The following ENTPD3 variants were observed in gnomAD, a reference collection of about 807,000 sequenced individuals.
ENTPD3 encodes the protein ectonucleoside triphosphate diphosphohydrolase 3.
ENTPD3 carries 60 observed loss-of-function variants against 51.2 expected under a neutral mutation model. That is an observed-to-expected ratio of 1.17 (90% CI 0.95 to 1.45). The LOEUF is 1.45. ENTPD3 is among the 40% of genes most tolerant of loss of function. ENTPD3 has a pLI of 0.00. For synonymous variants in ENTPD3, 221 were observed against 238.4 expected, an observed-to-expected ratio of 0.93 and a Z score of 0.67; for missense variants, 593 against 641.1, an observed-to-expected ratio of 0.93 and a Z score of 0.81.
chr3:40,404,359 C>T (rs1286197434), intron 4 of ENTPD3, among the ~76,000 whole-genome samples: 3 of 152,214 alleles, frequency 2.0e-5, no homozygotes, highest in African/African-American at 7.2e-5. Flanking sequence ...ATTCATGGGG[C>T]ACCACAATCA....
At position 40,422,849 on chromosome 3, in the gene ENTPD3, G is replaced by A; in HGVS notation, c.832-1G>A. 1 of 1,609,748 alleles carries A rather than the reference G, an allele frequency of 6.2e-7. No homozygotes were observed. The highest frequency in any genetic ancestry group is 8.5e-7 in the Non-Finnish European group (1 of 1,179,346). On this transcript the variant is annotated splice_acceptor_variant, in intron 7 of 10. Transcript: ENST00000301825. LOFTEE classifies it high-confidence loss of function. ...CTAACACCTTACTCTTATACCTACA[G>A]AATTCTCCTACCAAAAACCATCTCA...
At chr3:40,414,545 C>A in intron 5 of ENTPD3, 136 bp from the exon 6 acceptor site, 1 of 942,858 alleles carries the variant, frequency 1.1e-6, no homozygotes, top group South Asian at 1.7e-5. Flanking sequence ...TTGTGGTGTA[C>A]AGCACACATC....
intron 7 of ENTPD3, among the ~76,000 whole-genome samples, chr3:40,416,332 T>C (rs1955747998): frequency 6.6e-6 from 1 of 152,206 alleles, no homozygotes; most frequent in South Asian, 2.1e-4. Flanking sequence ...TTCAGTTGTT[T>C]TGTAAATGAC....
chr3:40,392,556 G>A (rs1955084362), intron 3 of ENTPD3: 1 of 157,520 alleles, frequency 6.3e-6, no homozygotes, highest in Non-Finnish European at 1.4e-5. Flanking sequence ...TGGGCAACAT[G>A]GTGAAACCCA....
intron 7 of ENTPD3, among the ~76,000 whole-genome samples, chr3:40,418,137 G>A (rs1240212684): frequency 6.6e-6 from 1 of 152,156 alleles, no homozygotes; most frequent in Non-Finnish European, 1.5e-5. Flanking sequence ...GGAGAAGTGA[G>A]CACCCAGCCT....
chr3:40,402,694 T>C (rs1165268276), intron 4 of ENTPD3, among the ~76,000 whole-genome samples: 1 of 152,218 alleles, frequency 6.6e-6, no homozygotes, highest in Non-Finnish European at 1.5e-5. Context: ...CGATGTGTCT[T>C]GATGAAAAGA....
Position 40,416,603 on chromosome 3 carries a change from A to G in ENTPD3, c.831+530A>G, listed in dbSNP as rs144187421. 3.0e-3 allele frequency among the ~76,000 whole-genome samples: 455 copies of G among 152,296 alleles called. 1 individual carries two copies. Among genetic ancestry groups the G allele is most frequent in the Middle Eastern group, 0.01 (3 of 294 alleles). Reference sequence around the variant, plus strand: ...ATCATGTTGATCAGTAATTCATTTGATAAGTGTTCCAGGGCCCAGAAGGCT... The same window carrying G: ...ATCATGTTGATCAGTAATTCATTTGGTAAGTGTTCCAGGGCCCAGAAGGCT... On this transcript the variant is annotated intron_variant, in intron 7 of 10. Coordinates refer to ENST00000301825, the MANE Select transcript of ENTPD3 (RefSeq NM_001248.4).
chr3:40,411,776 G>A (rs1374258304), intron 4 of ENTPD3, 36 bp from the exon 5 acceptor site: 1 of 1,544,790 alleles, frequency 6.5e-7, no homozygotes, highest in Non-Finnish European at 8.7e-7. Flanking sequence ...ATTGGTTCCT[G>A]GAAATGCTGA....
intron 4 of ENTPD3, among the ~76,000 whole-genome samples, chr3:40,403,212 C>T (rs188179658): frequency 6.8e-4 from 104 of 152,194 alleles, no homozygotes; most frequent in African/African-American, 2.4e-3. Flanking sequence ...ATCTGCCCTC[C>T]GAGGAGGGCA....
intron 7 of ENTPD3, among the ~76,000 whole-genome samples, chr3:40,417,778 A>T (rs1955780561): frequency 6.6e-6 from 1 of 152,196 alleles, no homozygotes; most frequent in South Asian, 2.1e-4. Flanking sequence ...AAGCTCTGGA[A>T]AATCCTCTTT....
intron 3 of ENTPD3, 55 bp from the exon 4 acceptor site, chr3:40,400,839 G>A: frequency 2.9e-6 from 4 of 1,365,402 alleles, no homozygotes; most frequent in East Asian, 2.3e-5. Context: ...CACTGAGAAA[G>A]CAGTCCTCAG....
chr3:40,391,971 G>A, intron 2 of ENTPD3, 52 bp from the exon 3 acceptor site: 2 of 1,608,094 alleles, frequency 1.2e-6, no homozygotes, highest in South Asian at 1.1e-5. Flanking sequence ...AAGAATACCA[G>A]TGCCTGGTTT....
chr3:40,387,945 G>C (rs1954974932), intron 1 of ENTPD3, 101 bp from the exon 2 acceptor site: 1 of 914,956 alleles, frequency 1.1e-6, no homozygotes, highest in Non-Finnish European at 1.8e-6. Flanking sequence ...GTTTTGATTT[G>C]GAGGAAGTAA....
At chr3:40,401,404 T>A (rs982284710) in intron 4 of ENTPD3, among the ~76,000 whole-genome samples, 26 of 152,138 alleles carry the variant, frequency 1.7e-4, no homozygotes, top group African/African-American at 6.0e-4. Context: ...TGATTCCCAA[T>A]TTGCCCAGGA....
intron 2 of ENTPD3, among the ~76,000 whole-genome samples, chr3:40,389,432 A>T (rs556721864): frequency 1.4e-4 from 22 of 152,302 alleles, no homozygotes; most frequent in African/African-American, 5.1e-4. Context: ...GCTATTACCC[A>T]CAATTCTGTA....
chr3:40,406,442 C>G (rs1955500096), intron 4 of ENTPD3, among the ~76,000 whole-genome samples: 1 of 152,186 alleles, frequency 6.6e-6, no homozygotes, highest in Non-Finnish European at 1.5e-5. Flanking sequence ...ATTGGGAAGC[C>G]ATTAGAAGAT....
In ENTPD3 at chr3:40,388,889, A is replaced by G. The variant is rs1328819222; in HGVS notation, c.40+792A>G. ...TTTTACTTGAAAACTGCTGAAACACAGAAGACTTAGGAGGCCAGCCACGTA... is the reference window on the plus strand; with the variant it reads ...TTTTACTTGAAAACTGCTGAAACACGGAAGACTTAGGAGGCCAGCCACGTA... On this transcript the variant is annotated intron_variant, in intron 2 of 10. Coordinates refer to ENST00000301825, the MANE Select transcript of ENTPD3 (RefSeq NM_001248.4). 3.3e-5 allele frequency among the ~76,000 whole-genome samples: 5 copies of G among 152,290 alleles called. No individual in the cohort carries two copies. The South Asian group carries it at 8.3e-4, about 25-fold the overall frequency.
chr3:40,405,348 T>A (rs928569695), intron 4 of ENTPD3, among the ~76,000 whole-genome samples: 2 of 151,742 alleles, frequency 1.3e-5, no homozygotes, highest in Non-Finnish European at 2.9e-5. Flanking sequence ...CTACTAAGAA[T>A]ACAAAAATTA....
At chr3:40,418,267 G>C (rs1955791527) in intron 7 of ENTPD3, among the ~76,000 whole-genome samples, 2 of 152,172 alleles carry the variant, frequency 1.3e-5, no homozygotes, top group East Asian at 3.9e-4. Context: ...GAGAGACCCA[G>C]ATGAGATGAG....
Sources: gnomAD v4.1 joint callset for allele counts (sites outside exome capture counted in the v4.1 genomes callset) on GRCh38, gnomAD v4.1.1 for gene constraint, MANE v1.5 for transcripts, NCBI Gene and HGNC (gene_info 2026-07-23, HGNC 2026-07-21) for gene names.